ARFGEF3: variants seen among roughly 807,000 people sequenced by gnomAD.
ARFGEF3 encodes the protein brefeldin A-inhibited guanine nucleotide-exchange protein 3.
Under a neutral mutation model 221.7 loss-of-function variants are expected in ARFGEF3, and 96 were observed. The observed-to-expected ratio is 0.43, with a 90% confidence interval of 0.37 to 0.51. The LOEUF (loss-of-function observed/expected upper bound fraction) is 0.51, where lower values mean the gene tolerates loss of function less well. Among genes scored for constraint, ARFGEF3 ranks in the 20% least tolerant of loss-of-function variants. ARFGEF3 has a pLI of 0.00. For missense variants in ARFGEF3, 2,410 were observed against 2,789.9 expected (o/e 0.86, Z 3.07); for synonymous variants, 1,145 against 1,126.8 (o/e 1.02, Z -0.32).
chr6:138,253,744 C>G, intron 8 of ARFGEF3, 136 bp from the exon 9 acceptor site: 1 of 708,944 alleles, frequency 1.4e-6, no homozygotes, highest in South Asian at 1.6e-5. Flanking sequence ...CACAGTTCAA[C>G]CCATAACACT....
chr6:138,322,955 G>A (rs1050542019), intron 29 of ARFGEF3, among the ~76,000 whole-genome samples: 1 of 151,674 alleles, frequency 6.6e-6, no homozygotes, highest in Non-Finnish European at 1.5e-5. Flanking sequence ...AGTGACACTG[G>A]TCACATCCTC....
At chr6:138,272,721 T>A (rs1779026401) in intron 12 of ARFGEF3, among the ~76,000 whole-genome samples, 1 of 152,248 alleles carries the variant, frequency 6.6e-6, no homozygotes, top group South Asian at 2.1e-4. Flanking sequence ...TAAGCAAAGT[T>A]GTGTAATCTT....
At chr6:138,273,790 C>T (rs1391325229) in intron 12 of ARFGEF3, among the ~76,000 whole-genome samples, 2 of 152,102 alleles carry the variant, frequency 1.3e-5, no homozygotes, top group African/African-American at 4.8e-5. Flanking sequence ...CAATAGAAAG[C>T]ATTTAATAAA....
chr6:138,206,330 C>A (rs1777623917), intron 2 of ARFGEF3, among the ~76,000 whole-genome samples: 1 of 149,870 alleles, frequency 6.7e-6, no homozygotes, highest in South Asian at 2.1e-4. Flanking sequence ...TTTAAAATAT[C>A]CAAATATCTC....
chr6:138,289,812 G>A lies in ARFGEF3; in HGVS notation c.2897-6G>A. ...TGTTATTTTAATAAATGTCTTTCTG[G>A]CACAGTGAAACTAAAAGTGGAGCAG... On this transcript the variant is annotated splice_region_variant and splice_polypyrimidine_tract_variant and intron_variant, in intron 17 of 33. Transcript: ENST00000251691. 6.2e-7 allele frequency: 1 copy of A among 1,612,306 alleles called. No homozygotes were observed. The highest frequency in any genetic ancestry group is 8.5e-7 in the Non-Finnish European group (1 of 1,179,080).
chr6:138,217,236 A>G (rs1438268335), intron 4 of ARFGEF3: 1 of 152,206 alleles, frequency 6.6e-6, no homozygotes, highest in African/African-American at 2.4e-5. Context: ...TTCTCACATA[A>G]TCTTAATTTA....
At chr6:138,298,547 G>C (rs1779564302) in intron 21 of ARFGEF3, 59 bp from the exon 22 acceptor site, 1 of 1,456,104 alleles carries the variant, frequency 6.9e-7, no homozygotes, top group Non-Finnish European at 9.4e-7. Flanking sequence ...AAAGCCTTCA[G>C]AAACCATTCT....
In ARFGEF3 at chr6:138,333,874, C is replaced by A. The variant is rs573882269; in HGVS notation, c.5124-96C>A. On this transcript the variant is annotated intron_variant, in intron 32 of 33. Coordinates refer to ENST00000251691, the MANE Select transcript of ARFGEF3 (RefSeq NM_020340.5). ...AGAGGTAGTTTAGTTTGTAAATTTG[C>A]ATAGATCGTTCTGAAACGGGTAACG... The A allele has an allele frequency of 1.7e-5, 23 of 1,372,926 alleles. No homozygotes were observed. The African/African-American group carries it at 2.5e-4, about 15-fold the overall frequency. The allele number at this position is 1,372,926 out of a possible 1,614,324, so 85.0% of individuals were successfully genotyped here.
Position 138,174,469 on chromosome 6 carries a change from T to TAAAAAAAAAA in ARFGEF3, c.137+3785_137+3794dup, listed in dbSNP as rs35236693. The stretch of plus-strand genomic sequence containing the variant: ...GGCATCCTTCTATTTGAGCATCTGC[T>TAAAAAAAAAA]AAAAAAAAAAAAAAAAAAAAAAAAA... On this transcript the variant is annotated intron_variant, in intron 2 of 33. Coordinates refer to ENST00000251691, the MANE Select transcript of ARFGEF3 (RefSeq NM_020340.5). 5.9e-4 allele frequency among the ~76,000 whole-genome samples: 15 copies of TAAAAAAAAAA among 25,300 alleles called. 3 individuals carry two copies. Among genetic ancestry groups the TAAAAAAAAAA allele is most frequent in the Admixed American group, 1.5e-3 (2 of 1,362 alleles). 16.6% of individuals were successfully genotyped at this position (25,300 alleles called of 152,430 possible).
rs9495017 is a variant in ARFGEF3 at position 138,337,101 on chromosome 6, C to G, written c.*615C>G. 6.6e-6 allele frequency: 1 copy of G among 152,630 alleles called. No homozygotes were observed. The highest frequency in any genetic ancestry group is 2.4e-5 in the African/African-American group (1 of 41,448). 9.5% of individuals were successfully genotyped at this position (152,630 alleles called of 1,614,324 possible). A position where few individuals can be genotyped will look rare whatever the true frequency, so the allele number is the denominator to read the frequency against. On this transcript the variant is annotated 3_prime_UTR_variant, in exon 34 of 34. Coordinates refer to ENST00000251691, the MANE Select transcript of ARFGEF3 (RefSeq NM_020340.5). Reference sequence around the variant, plus strand: ...AATCATTAAGATTTTCAGGTATTCACCAATTTCCCCATGTAAGGTACTGTG... The same window carrying G: ...AATCATTAAGATTTTCAGGTATTCAGCAATTTCCCCATGTAAGGTACTGTG...
At chr6:138,248,370 G>A (rs1583030995) in intron 8 of ARFGEF3, among the ~76,000 whole-genome samples, 1 of 152,148 alleles carries the variant, frequency 6.6e-6, no homozygotes, top group African/African-American at 2.4e-5. Flanking sequence ...TGTCGGGGGT[G>A]CTTCTCCCTT....
At chr6:138,176,220 C>T (rs1293768325) in intron 2 of ARFGEF3, among the ~76,000 whole-genome samples, 3 of 140,958 alleles carry the variant, frequency 2.1e-5, no homozygotes, top group African/African-American at 7.9e-5. Flanking sequence ...CTTGCTGTGT[C>T]ACCCAGGCTG....
At chr6:138,256,045 C>T (rs2076270) in intron 10 of ARFGEF3, among the ~76,000 whole-genome samples, 14,077 of 152,190 alleles carry the variant, frequency 0.092, 912 homozygotes, top group East Asian at 0.36. Flanking sequence ...AGACCAGGCC[C>T]ATGCTGAGAT....
intron 20 of ARFGEF3, among the ~76,000 whole-genome samples, chr6:138,296,200 T>C (rs768810679): frequency 3.3e-5 from 5 of 152,118 alleles, no homozygotes; most frequent in Admixed American, 1.3e-4. Flanking sequence ...CCAGACAGCA[T>C]GTTACTGAGC....
In ARFGEF3 at chr6:138,162,118, A is replaced by C; in HGVS notation, c.32A>C (p.Glu11Ala). The C allele has an allele frequency of 1.2e-6, 2 of 1,604,438 alleles. No individual in the cohort carries two copies. MEEILRKLQK[E>A]ASGSKYKAIK... ...GAAATCCTGAGGAAGCTGCAGAAGG[A>C]GGCGTCCGGGAGCAAGTACAAAGCC... Residue 11 changes from glutamate (E) to alanine (A), a missense_variant, in exon 1 of 34, where the codon GAG becomes GCG. Glu to Ala is a moderately radical substitution (Grantham distance 107). Around this residue, in one of 5 missense-constraint regions of ARFGEF3, gnomAD observed 570 missense variants for 586.9 expected, o/e 0.97. Transcript: ENST00000251691. This position sits in a 1 kb window ranked among gnomAD's most constrained non-coding sequence, Gnocchi z 4.7.
intron 2 of ARFGEF3, among the ~76,000 whole-genome samples, chr6:138,179,914 AC>A (rs1307996357): frequency 3.3e-5 from 5 of 152,006 alleles, no homozygotes; most frequent in Admixed American, 1.3e-4. Context: ...GATTCAAGCA[AC>A]CCTCCTGCCT....
Position 138,319,689 on chromosome 6 carries a change from CT to C in ARFGEF3, c.4475-10del. On this transcript the variant is annotated splice_polypyrimidine_tract_variant and intron_variant, in intron 27 of 33. Coordinates refer to ENST00000251691, the MANE Select transcript of ARFGEF3 (RefSeq NM_020340.5). ...TTATTACAGGTTGTTGCTACGCTGACTTTTCTTTTTCAGGACCAGGGTTTGG... is the reference window on the plus strand; with the variant it reads ...TTATTACAGGTTGTTGCTACGCTGACTTTCTTTTTCAGGACCAGGGTTTGG... 2 of 1,578,606 alleles carry C rather than the reference CT, an allele frequency of 1.3e-6. No individual in the cohort carries two copies. The highest frequency in any genetic ancestry group is 3.9e-5 in the Admixed American group (2 of 50,666).
At chr6:138,200,261 A>G (rs1777509363) in intron 2 of ARFGEF3, among the ~76,000 whole-genome samples, 1 of 152,188 alleles carries the variant, frequency 6.6e-6, no homozygotes, top group African/African-American at 2.4e-5. Flanking sequence ...AAAACAATCT[A>G]TAAATTCAAC....
At chr6:138,177,097 A>ACT (rs1776966784) in intron 2 of ARFGEF3, among the ~76,000 whole-genome samples, 1 of 125,256 alleles carries the variant, frequency 8.0e-6, no homozygotes, top group African/African-American at 3.4e-5. Context: ...TTATTTATTT[A>ACT]TATTTTTTTT....
Sources: gnomAD v4.1 joint callset for allele counts (sites outside exome capture counted in the v4.1 genomes callset) on GRCh38, gnomAD v4.1.1 for gene constraint, gnomAD v4.1.1 regional missense constraint, Gnocchi (gnomAD v3.1) non-coding constraint, MANE v1.5 for transcripts, NCBI Gene and HGNC (gene_info 2026-07-23, HGNC 2026-07-21) for gene names.